NPIPA5: variants seen among roughly 807,000 people sequenced by gnomAD.
NPIPA5 encodes nuclear pore complex-interacting protein family member A5.
Under a neutral mutation model 21.4 loss-of-function variants are expected in NPIPA5, and 6 were observed. The observed-to-expected ratio is 0.28, with a 90% CI of 0.15 to 0.55. NPIPA5 has a LOEUF of 0.55. NPIPA5 is among the 20% of genes least tolerant of loss of function. The probability of loss-of-function intolerance (pLI) is 0.93; values close to 1 mark genes in which losing one functional copy is unlikely to be tolerated. For missense variants in NPIPA5, 99 were observed against 318.2 expected (o/e 0.31, Z 5.24); for synonymous variants, 33 against 115.3 (o/e 0.29, Z 4.57).
Position 15,366,839 on chromosome 16 carries a change from G to C in NPIPA5, c.438-79C>G. On this transcript the variant is annotated intron_variant, in intron 4 of 7. Coordinates refer to ENST00000360151, the MANE Select transcript of NPIPA5 (RefSeq NM_001277325.2). ...TCTGCCCTTCTGGCATCTGAAGGCT[G>C]TGATTCAAAGATCCCCCCTGCAACC... 2.0e-6 allele frequency: 3 copies of C among 1,520,348 alleles called. No homozygotes were observed. The South Asian group carries it at 3.7e-5, about 19-fold the overall frequency. The allele number at this position is 1,520,348 out of a possible 1,614,324, so 94.2% of individuals were successfully genotyped here.
intron 1 of NPIPA5, among the ~76,000 whole-genome samples, chr16:15,375,425 A>G (rs953674141): frequency 6.7e-6 from 1 of 148,624 alleles, no homozygotes; most frequent in Admixed American, 6.8e-5. Flanking sequence ...ATTCACAAAT[A>G]AGTATCGAAT....
intron 2 of NPIPA5, among the ~76,000 whole-genome samples, chr16:15,371,563 C>T (rs2450360): frequency 0.47 from 66,686 of 142,404 alleles, 18,589 homozygotes; most frequent in Middle Eastern, 0.57. Context: ...AGTGCAGTGG[C>T]GCTACCTTGG....
At chr16:15,381,491 T>C (rs192839433), upstream of NPIPA5, 101 of 981,642 alleles carry the variant, frequency 1.0e-4, 2 homozygotes, top group African/African-American at 1.7e-3. Flanking sequence ...CATTACTAAT[T>C]ATAACCCTGT....
At chr16:15,381,080 G>A, upstream of NPIPA5, 1 of 1,537,430 alleles carries the variant, frequency 6.5e-7, no homozygotes, top group Non-Finnish European at 8.7e-7. Context: ...CATGATGAGT[G>A]CCAACCTATT....
chr16:15,366,903 G>C, intron 4 of NPIPA5, 143 bp from the exon 5 acceptor site: 1 of 1,508,596 alleles, frequency 6.6e-7, no homozygotes, highest in Non-Finnish European at 8.8e-7. Context: ...CAACCGAAGG[G>C]AGAATGGACA....
At chr16:15,376,374 G>C (rs371261748) in intron 1 of NPIPA5, among the ~76,000 whole-genome samples, 3,834 of 136,740 alleles carry the variant, frequency 0.028, 95 homozygotes, top group Admixed American at 0.066. Flanking sequence ...ACTAAAAATA[G>C]AAAATTAGCT....
chr16:15,379,020 G>T (rs1045452989), upstream of NPIPA5, among the ~76,000 whole-genome samples: 1 of 149,682 alleles, frequency 6.7e-6, no homozygotes, highest in African/African-American at 2.5e-5. Flanking sequence ...CTGGTGACCA[G>T]GACAGACCCC....
At chr16:15,370,843 T>C (rs2050137436) in intron 2 of NPIPA5, among the ~76,000 whole-genome samples, 1 of 147,570 alleles carries the variant, frequency 6.8e-6, no homozygotes, top group African/African-American at 2.5e-5. Flanking sequence ...GGTCCAGAGA[T>C]GGAGACCATC....
upstream of NPIPA5, among the ~76,000 whole-genome samples, chr16:15,379,236 AC>A (rs758229326): frequency 3.9e-5 from 6 of 152,236 alleles, no homozygotes; most frequent in Non-Finnish European, 8.8e-5. Context: ...CAATGCCTTT[AC>A]CATAAATAGA....
At chr16:15,368,410 G>A (rs1295843799) in intron 4 of NPIPA5, among the ~76,000 whole-genome samples, 2 of 152,104 alleles carry the variant, frequency 1.3e-5, no homozygotes, top group Non-Finnish European at 2.9e-5. Flanking sequence ...TCTGCAGCAA[G>A]ATAACATGCT....
At chr16:15,375,705 G>A (rs1352499256) in intron 1 of NPIPA5, among the ~76,000 whole-genome samples, 1 of 141,574 alleles carries the variant, frequency 7.1e-6, no homozygotes, top group Non-Finnish European at 1.5e-5. Flanking sequence ...TCGCACCACT[G>A]CACTTCAGCC....
At chr16:15,372,073 G>A (rs1238033355) in intron 2 of NPIPA5, among the ~76,000 whole-genome samples, 1 of 148,896 alleles carries the variant, frequency 6.7e-6, no homozygotes, top group African/African-American at 2.4e-5. Context: ...CACCCATGAT[G>A]TCCCTGCTTA....
upstream of NPIPA5, chr16:15,381,144 G>C (rs2050428352): frequency 6.9e-7 from 1 of 1,455,496 alleles, no homozygotes; most frequent in Non-Finnish European, 9.2e-7. Flanking sequence ...GGTGATGTTT[G>C]AGTCTATAGT....
chr16:15,375,761 T>A (rs1253538824), intron 1 of NPIPA5, among the ~76,000 whole-genome samples: 5 of 139,234 alleles, frequency 3.6e-5, no homozygotes, highest in Non-Finnish European at 4.8e-5. Context: ...AAAAAAAAAA[T>A]TACCAAGGTG....
chr16:15,380,524 T>C (rs2050413980), upstream of NPIPA5, among the ~76,000 whole-genome samples: 1 of 151,994 alleles, frequency 6.6e-6, no homozygotes, highest in African/African-American at 2.4e-5. Flanking sequence ...GGTTTTGCCA[T>C]ATTGGTCAGG....
intron 4 of NPIPA5, among the ~76,000 whole-genome samples, chr16:15,367,178 C>T (rs1166795269): frequency 6.6e-6 from 1 of 152,164 alleles, no homozygotes; most frequent in Non-Finnish European, 1.5e-5. Flanking sequence ...GATTGCTCCT[C>T]ATCTGACTCC....
chr16:15,374,172 A>G (rs1293751760), intron 1 of NPIPA5, among the ~76,000 whole-genome samples: 7 of 150,636 alleles, frequency 4.6e-5, no homozygotes, highest in African/African-American at 1.5e-4. Flanking sequence ...AACACTAACA[A>G]TAGCTGATGA....
chr16:15,376,199 G>A (rs2050287541), intron 1 of NPIPA5, among the ~76,000 whole-genome samples: 1 of 149,308 alleles, frequency 6.7e-6, no homozygotes, highest in African/African-American at 2.4e-5. Context: ...AGACTGGCTG[G>A]GAAGAGTGAG....
At chr16:15,380,538 G>C (rs1472526820), upstream of NPIPA5, among the ~76,000 whole-genome samples, 1 of 151,950 alleles carries the variant, frequency 6.6e-6, no homozygotes, top group African/African-American at 2.4e-5. Flanking sequence ...GGTCAGGCTG[G>C]TCTCGAAGTC....
Sources: allele counts gnomAD v4.1 joint callset (sites outside exome capture counted in the v4.1 genomes callset), GRCh38; gene constraint gnomAD v4.1.1; transcripts MANE v1.5; gene names NCBI Gene and HGNC (gene_info 2026-07-23, HGNC 2026-07-21).